Variants in TTC14 observed in about 807,000 individuals in gnomAD.
The protein encoded by TTC14 is tetratricopeptide repeat domain 14.
In TTC14, 63 loss-of-function variants were observed where a neutral mutation model predicts 79.9. The observed-to-expected ratio is 0.79, with a 90% confidence interval of 0.64 to 0.97. TTC14 has a LOEUF of 0.97. Among genes scored for constraint, TTC14 ranks in the 50% least tolerant of loss-of-function variants. TTC14 has a pLI of 0.00. For synonymous variants in TTC14, 335 were observed against 309.6 expected, an observed-to-expected ratio of 1.08 and a Z score of -0.86; for missense variants, 895 against 894.0, an observed-to-expected ratio of 1.00 and a Z score of -0.01.
intron 11 of TTC14, 144 bp downstream of exon 11, chr3:180,608,954 G>A (rs1355506517): frequency 7.5e-6 from 9 of 1,207,022 alleles, no homozygotes; most frequent in Non-Finnish European, 9.3e-6. Flanking sequence ...GCAAATATGT[G>A]TTCCATGTAT....
chr3:180,606,040 A>G (rs1716664292), intron 7 of TTC14: 2 of 837,584 alleles, frequency 2.4e-6, no homozygotes, highest in Non-Finnish European at 3.6e-6. Context: ...AGTTTTCTCA[A>G]AAGGAATTAG....
At chr3:180,607,500 A>C in intron 9 of TTC14, 148 bp from the exon 10 acceptor site, 2 of 1,241,634 alleles carry the variant, frequency 1.6e-6, no homozygotes, top group South Asian at 4.6e-5. Flanking sequence ...ATTACAGTAA[A>C]AAGCATATTA....
rs909755294 is a variant in TTC14 at position 180,603,060 on chromosome 3, A to G, written c.286+45A>G. The G allele has an allele frequency of 1.9e-6, 3 of 1,611,018 alleles. No homozygotes were observed. The African/African-American group carries it at 4.0e-5, about 22-fold the overall frequency. ...CTTTAAGATTGCGGTTCGGTTTAAC[A>G]GTACTTCAGGTGAAACGGAACTCAA... On this transcript the variant is annotated intron_variant, in intron 2 of 11. Transcript: ENST00000296015.
chr3:180,610,259 A>G lies in TTC14; in HGVS notation c.2030A>G (p.Tyr677Cys). Residue 677 changes from tyrosine to cysteine, a missense_variant, in exon 12 of 12, where the codon TAC becomes TGC. Physicochemically the swap from Tyr to Cys is radical, Grantham distance 194. Transcript: ENST00000296015. The part of the protein sequence containing the change: ...RHSTSPASSE[Y>C]SWKSVEKYKK... ...TCTACCTCACCAGCAAGCTCAGAAT[A>G]CTCTTGGAAGTCAGTTGAGAAATAC... 1 of 1,613,908 alleles carries G rather than the reference A, an allele frequency of 6.2e-7. No homozygotes were observed. The highest frequency in any genetic ancestry group is 1.3e-5 in the African/African-American group (1 of 75,000).
chr3:180,618,168 A>G (rs79374277), downstream of TTC14, among the ~76,000 whole-genome samples: 4 of 152,304 alleles, frequency 2.6e-5, no homozygotes, highest in African/African-American at 9.6e-5. Flanking sequence ...TATGATGTTC[A>G]CACAGTGACA....
At chr3:180,606,216 T>G in intron 7 of TTC14, 37 bp from the exon 8 acceptor site, 1 of 1,606,850 alleles carries the variant, frequency 6.2e-7, no homozygotes. Flanking sequence ...AGATATTGTT[T>G]GAAGTGTTTG....
rs1716813066 is a variant in TTC14, at chr3:180,608,436, G to A, written c.1291-265G>A. ...ACCTTTCTTGCACTCTGGGTCATGG[G>A]TACCACTGCAATGGCTTCCCCTTTT... On this transcript the variant is annotated intron_variant, in intron 10 of 11. Transcript: ENST00000296015. 3 of 1,017,540 alleles carry A rather than the reference G, an allele frequency of 2.9e-6. No homozygotes were observed. In the South Asian group the frequency reaches 1.4e-4, roughly 47 times the overall value. 63.0% of individuals were successfully genotyped at this position (1,017,540 alleles called of 1,614,324 possible). A position where few individuals can be genotyped will look rare whatever the true frequency, so the allele number is the denominator to read the frequency against.
chr3:180,606,981 T>C (rs1295827893), intron 9 of TTC14, among the ~76,000 whole-genome samples: 2 of 152,206 alleles, frequency 1.3e-5, no homozygotes, highest in African/African-American at 4.8e-5. Flanking sequence ...TGTATTGATG[T>C]CTTTGAGCTG....
downstream of TTC14, among the ~76,000 whole-genome samples, chr3:180,611,669 A>AGAT (rs1717001424): frequency 6.6e-6 from 1 of 152,222 alleles, no homozygotes; most frequent in Admixed American, 6.5e-5. Context: ...AGACAGATAG[A>AGAT]GATAGGAGTC....
chr3:180,610,675 T>TTAAG lies in TTC14; in HGVS notation c.*139_*142dup, dbSNP rs1465550342. 2.8e-6 allele frequency: 4 copies of TTAAG among 1,417,028 alleles called. No individual in the cohort carries two copies. The highest frequency in any genetic ancestry group is 1.6e-5 in the South Asian group (1 of 61,930). The allele number at this position is 1,417,028 out of a possible 1,614,324, so 87.8% of individuals were successfully genotyped here. ...TAGAGATTACAGGAAACAAATGCTTTTAAGTAAGTTTTTCTCAAATTTTGT... is the reference window on the plus strand; with the variant it reads ...TAGAGATTACAGGAAACAAATGCTTTTAAGTAAGTAAGTTTTTCTCAAATTTTGT... On this transcript the variant is annotated 3_prime_UTR_variant, in exon 12 of 12. Coordinates refer to ENST00000296015, the MANE Select transcript of TTC14 (RefSeq NM_133462.4).
intron 4 of TTC14, 70 bp from the exon 5 acceptor site, chr3:180,604,408 A>C (rs987050504): frequency 6.5e-7 from 1 of 1,548,116 alleles, no homozygotes; most frequent in Non-Finnish European, 8.7e-7. Flanking sequence ...TGTTTGGGAA[A>C]GTTTATATTT....
At chr3:180,611,596 A>G (rs577263893), downstream of TTC14, among the ~76,000 whole-genome samples, 2 of 152,364 alleles carry the variant, frequency 1.3e-5, no homozygotes, top group East Asian at 3.9e-4. Flanking sequence ...CTGAAGAACA[A>G]AGAGACTTGG....
In TTC14 at chr3:180,610,546, A is replaced by G; in HGVS notation, c.*4A>G. 6.4e-7 allele frequency: 1 copy of G among 1,556,328 alleles called. No homozygotes were observed. Among genetic ancestry groups the G allele is most frequent in the Non-Finnish European group, 8.6e-7 (1 of 1,158,576 alleles). On this transcript the variant is annotated 3_prime_UTR_variant, in exon 12 of 12. Transcript: ENST00000296015. ...AGGAAATAAGTCAAAAAATTAATACACCAAGGATATCGGCACCATTACACA... is the reference window on the plus strand; with the variant it reads ...AGGAAATAAGTCAAAAAATTAATACGCCAAGGATATCGGCACCATTACACA...
At chr3:180,603,036 T>G (rs775339232) in intron 2 of TTC14, 21 bp downstream of exon 2, 1 of 1,610,122 alleles carries the variant, frequency 6.2e-7, no homozygotes, top group East Asian at 2.2e-5. Context: ...CCTTAAAATC[T>G]TTAAGATTGC....
intron 1 of TTC14, 172 bp from the exon 2 acceptor site, chr3:180,602,719 C>T: frequency 1.2e-6 from 1 of 804,694 alleles, no homozygotes; most frequent in Non-Finnish European, 1.9e-6. Context: ...CCCCGCTCTC[C>T]ACCTCCAGGT....
At chr3:180,614,859 T>G, downstream of TTC14, 2 of 1,450,884 alleles carry the variant, frequency 1.4e-6, no homozygotes, top group Non-Finnish European at 1.9e-6. Context: ...TTGGGTCGTT[T>G]TGTATTTTAA....
chr3:180,614,881 G>GT, downstream of TTC14: 1 of 1,499,824 alleles, frequency 6.7e-7, no homozygotes, highest in Non-Finnish European at 9.0e-7. Flanking sequence ...GTATATTTTT[G>GT]TTTTTGTGTT....
downstream of TTC14, among the ~76,000 whole-genome samples, chr3:180,615,633 T>G (rs1276865945): frequency 6.6e-6 from 1 of 152,120 alleles, no homozygotes; most frequent in Admixed American, 6.6e-5. Flanking sequence ...AGGGGCCTCT[T>G]CATGAAATTT....
chr3:180,606,118 G>C (rs890126415), intron 7 of TTC14, 135 bp from the exon 8 acceptor site: 1 of 1,210,866 alleles, frequency 8.3e-7, no homozygotes, highest in Non-Finnish European at 1.1e-6. Context: ...ACGTTCCTTA[G>C]GTATATTGTG....
Sources: allele counts gnomAD v4.1 joint callset (sites outside exome capture counted in the v4.1 genomes callset), GRCh38; gene constraint gnomAD v4.1.1; transcripts MANE v1.5; gene names NCBI Gene and HGNC (gene_info 2026-07-23, HGNC 2026-07-21).